The following PPTC7 variants were observed in gnomAD, a reference collection of about 807,000 sequenced individuals.
The protein encoded by PPTC7 is protein phosphatase targeting COQ7.
In PPTC7, 6 loss-of-function variants were observed where a neutral mutation model predicts 30.8. The ratio of observed to expected loss-of-function variants is 0.19; its 90% CI spans 0.11 to 0.38. The LOEUF (loss-of-function observed/expected upper bound fraction) is 0.38, where lower values mean the gene tolerates loss of function less well. Ranked by LOEUF, PPTC7 falls within the 10% of genes least tolerant of loss-of-function variation. PPTC7 has a pLI of 1.00. For missense variants in PPTC7, 218 were observed against 404.8 expected, an observed-to-expected ratio of 0.54 and a Z score of 3.96; for synonymous variants, 163 against 168.1, an observed-to-expected ratio of 0.97 and a Z score of 0.23.
At chr12:110,575,611 A>AAC (rs1248438014) in intron 1 of PPTC7, among the ~76,000 whole-genome samples, 1 of 145,854 alleles carries the variant, frequency 6.9e-6, no homozygotes, top group African/African-American at 2.6e-5. Context: ...CCACCTCAAA[A>AAC]AAAAAAAAAA....
At chr12:110,565,498 T>G (rs992235725) in intron 1 of PPTC7, among the ~76,000 whole-genome samples, 1 of 151,632 alleles carries the variant, frequency 6.6e-6, no homozygotes, top group Non-Finnish European at 1.5e-5. Context: ...TTGTGATCCA[T>G]CCCGCCTTGG....
chr12:110,552,515 T>C (rs1024574268), intron 1 of PPTC7, among the ~76,000 whole-genome samples: 2 of 152,300 alleles, frequency 1.3e-5, no homozygotes, highest in Admixed American at 1.3e-4. Context: ...ATTCCTTACA[T>C]GGTTACTGAG....
intron 1 of PPTC7, among the ~76,000 whole-genome samples, chr12:110,553,075 C>T (rs2135773752): frequency 6.6e-6 from 1 of 151,974 alleles, no homozygotes; most frequent in East Asian, 2.0e-4. Context: ...CCCAGCTACT[C>T]AGGAGGCTGA....
chr12:110,535,171 TTAAA>T lies in PPTC7; in HGVS notation c.*1862_*1865del, dbSNP rs1327245871. On this transcript the variant is annotated 3_prime_UTR_variant, in exon 6 of 6. Coordinates refer to ENST00000354300, the MANE Select transcript of PPTC7 (RefSeq NM_139283.2). ...TTTATCATAGCATGATGATTTCTCC[TTAAA>T]TAGAGACTCCGTCCAGACCCCCCAC... 3.3e-5 allele frequency: 5 copies of T among 152,562 alleles called. No individual in the cohort carries two copies. Among genetic ancestry groups the T allele is most frequent in the African/African-American group, 1.2e-4 (5 of 41,410 alleles). 9.5% of individuals were successfully genotyped at this position (152,562 alleles called of 1,614,324 possible). A position where few individuals can be genotyped will look rare whatever the true frequency, so the allele number is the denominator to read the frequency against.
At chr12:110,560,483 C>T (rs949126126) in intron 1 of PPTC7, among the ~76,000 whole-genome samples, 7 of 152,082 alleles carry the variant, frequency 4.6e-5, no homozygotes, top group Non-Finnish European at 1.0e-4. Context: ...ACACAGTCAC[C>T]TAACTGTGTA....
intron 1 of PPTC7, among the ~76,000 whole-genome samples, chr12:110,569,815 G>A (rs1454310803): frequency 6.6e-6 from 1 of 152,166 alleles, no homozygotes. Context: ...TATTTCCAGT[G>A]AAGTTTCAAT....
intron 1 of PPTC7, among the ~76,000 whole-genome samples, chr12:110,572,856 A>G (rs1408199283): frequency 6.6e-6 from 1 of 151,790 alleles, no homozygotes; most frequent in African/African-American, 2.4e-5. Flanking sequence ...ACCTATCGTA[A>G]TCTTTTTTAA....
intron 1 of PPTC7, among the ~76,000 whole-genome samples, chr12:110,555,034 T>C (rs902646021): frequency 6.6e-6 from 1 of 152,242 alleles, no homozygotes; most frequent in African/African-American, 2.4e-5. Flanking sequence ...CACATTTATT[T>C]TTTGTACATT....
intron 1 of PPTC7, among the ~76,000 whole-genome samples, chr12:110,575,502 C>A (rs2064581115): frequency 6.7e-6 from 1 of 149,746 alleles, no homozygotes; most frequent in South Asian, 2.1e-4. Context: ...CTAGTACAAA[C>A]TCCATTTGGA....
chr12:110,538,586 T>A (rs146229646), intron 4 of PPTC7, among the ~76,000 whole-genome samples: 63 of 152,206 alleles, frequency 4.1e-4, no homozygotes, highest in African/African-American at 1.5e-3. Context: ...GAAGGATACC[T>A]CAAAAGCTTC....
intron 1 of PPTC7, among the ~76,000 whole-genome samples, chr12:110,552,859 G>A (rs535441779): frequency 4.6e-5 from 7 of 151,956 alleles, no homozygotes; most frequent in South Asian, 2.1e-4. Context: ...GCGAGACTCC[G>A]TCTCAAAAAA....
intron 5 of PPTC7, among the ~76,000 whole-genome samples, chr12:110,537,724 C>G (rs2064229785): frequency 6.6e-6 from 1 of 152,220 alleles, no homozygotes; most frequent in Admixed American, 6.5e-5. Flanking sequence ...TCTTCAAACC[C>G]TGCTGTGGCA....
chr12:110,546,122 G>T, intron 2 of PPTC7, 44 bp from the exon 3 acceptor site: 1 of 1,527,988 alleles, frequency 6.5e-7, no homozygotes. Context: ...TTCCTAGGCT[G>T]CCTTTGCACA....
At chr12:110,572,554 G>A (rs79717971) in intron 1 of PPTC7, among the ~76,000 whole-genome samples, 2,261 of 152,284 alleles carry the variant, frequency 0.015, 64 homozygotes, top group African/African-American at 0.053. Context: ...CAGTGCAAAC[G>A]TGTGTTGGAA....
intron 1 of PPTC7, among the ~76,000 whole-genome samples, chr12:110,576,824 T>C (rs2064593031): frequency 6.6e-6 from 1 of 152,186 alleles, no homozygotes; most frequent in South Asian, 2.1e-4. Context: ...CTGTACACTT[T>C]AAAAGGATAC....
intron 2 of PPTC7, among the ~76,000 whole-genome samples, chr12:110,549,827 C>A (rs1326985793): frequency 6.6e-6 from 1 of 152,082 alleles, no homozygotes; most frequent in Non-Finnish European, 1.5e-5. Context: ...GTCAGCAGAG[C>A]CACTCTTGAG....
In PPTC7 at chr12:110,537,061, T is replaced by C. The variant is rs1762357274; in HGVS notation, c.891A>G (p.Ser297=). 1.9e-6 allele frequency: 3 copies of C among 1,613,286 alleles called. No homozygotes were observed. The highest frequency in any genetic ancestry group is 2.2e-5 in the East Asian group (1 of 44,890). Residue 297 remains serine, a synonymous_variant, in exon 6 of 6, where the codon TCA becomes TCG. Transcript: ENST00000354300. ...GCTAGTCTGTATACTCAGCCACTAT[T>C]GAAAGAAGGACGGTGATGTCATCTG... ...GKPDDITVLL[S]IVAEYTD is the part of the protein sequence containing the mutation.
intron 1 of PPTC7, among the ~76,000 whole-genome samples, chr12:110,570,919 TTGTCTC>T (rs1352824821): frequency 1.0e-3 from 154 of 152,276 alleles, no homozygotes; most frequent in South Asian, 2.5e-3. Flanking sequence ...TCTCTATACT[TTGTCTC>T]TGTGTATTTT....
At chr12:110,538,088 C>T (rs1052417519) in intron 5 of PPTC7, 56 bp downstream of exon 5, 8 of 1,588,084 alleles carry the variant, frequency 5.0e-6, no homozygotes, top group Non-Finnish European at 6.9e-6. Flanking sequence ...GAATGCTCCA[C>T]TCTACTGACA....
Sources: allele counts gnomAD v4.1 joint callset (sites outside exome capture counted in the v4.1 genomes callset), GRCh38; gene constraint gnomAD v4.1.1; transcripts MANE v1.5; gene names NCBI Gene and HGNC (gene_info 2026-07-23, HGNC 2026-07-21).